XKR4: variants seen among roughly 807,000 people sequenced by gnomAD.
XKR4 encodes XK related 4, also known as XK-related protein 4.
A neutral mutation model predicts 53.9 loss-of-function variants in XKR4; 12 were observed. The ratio of observed to expected loss-of-function variants is 0.22; its 90% CI spans 0.14 to 0.36. XKR4 has a LOEUF of 0.36. XKR4 is among the 10% of genes least tolerant of loss of function. The pLI is 1.00. For missense variants in XKR4, 799 were observed against 859.5 expected (o/e 0.93, Z 0.88); for synonymous variants, 354 against 362.4 (o/e 0.98, Z 0.26).
chr8:55,221,949 T>C (rs1057453546), intron 1 of XKR4, among the ~76,000 whole-genome samples: 1 of 152,172 alleles, frequency 6.6e-6, no homozygotes, highest in Non-Finnish European at 1.5e-5. Context: ...GATTCTCTAC[T>C]CTATATTTGT....
intron 2 of XKR4, chr8:55,449,911 GCGGTCGAGC>G: frequency 1.1e-6 from 1 of 871,586 alleles, no homozygotes; most frequent in Non-Finnish European, 1.9e-6. Flanking sequence ...GGAGCCAGAT[GCGGTCGAGC>G]CTCTATTCTG....
chr8:55,133,803 A>G (rs1014061195), intron 1 of XKR4, among the ~76,000 whole-genome samples: 1 of 152,224 alleles, frequency 6.6e-6, no homozygotes, highest in Non-Finnish European at 1.5e-5. Context: ...GGAGAATTAC[A>G]TTGCACTTAA....
intron 1 of XKR4, among the ~76,000 whole-genome samples, chr8:55,124,372 C>T (rs924431937): frequency 1.3e-5 from 2 of 152,228 alleles, no homozygotes; most frequent in Admixed American, 6.5e-5. Flanking sequence ...GCATTGTTCC[C>T]TGAAGGCGGG....
At chr8:55,430,113 G>A (rs1386287892) in intron 2 of XKR4, among the ~76,000 whole-genome samples, 1 of 152,096 alleles carries the variant, frequency 6.6e-6, no homozygotes, top group African/African-American at 2.4e-5. Context: ...CTATTATAAT[G>A]GTTAAAATAA....
chr8:55,422,234 A>C (rs1262285806), intron 2 of XKR4, among the ~76,000 whole-genome samples: 1 of 152,246 alleles, frequency 6.6e-6, no homozygotes, highest in Non-Finnish European at 1.5e-5. Flanking sequence ...ATTCTATGCT[A>C]AAAGATATAA....
At chr8:55,522,160 C>T (rs1258616332) in intron 2 of XKR4, among the ~76,000 whole-genome samples, 1 of 152,178 alleles carries the variant, frequency 6.6e-6, no homozygotes, top group Non-Finnish European at 1.5e-5. Flanking sequence ...TAGAGATGAA[C>T]TGTGCCATAC....
At position 55,540,131 on chromosome 8, in the gene XKR4, T is replaced by C. The variant is rs1187037357; in HGVS notation, c.*15904T>C. The C allele has an allele frequency of 6.6e-6, 1 of 152,186 alleles. No homozygotes were observed. The highest frequency in any genetic ancestry group is 2.4e-5 in the African/African-American group (1 of 41,462). 9.4% of individuals were successfully genotyped at this position (152,186 alleles called of 1,614,324 possible). ...AACTCTCCAGAGCCCTCCTTGAAAG[T>C]TTTTAGAAAAACTACCATTTTCAGC... On this transcript the variant is annotated 3_prime_UTR_variant, in exon 3 of 3. Coordinates refer to ENST00000327381, the MANE Select transcript of XKR4 (RefSeq NM_052898.2).
At chr8:55,211,277 G>T (rs558346208) in intron 1 of XKR4, among the ~76,000 whole-genome samples, 1 of 152,294 alleles carries the variant, frequency 6.6e-6, no homozygotes, top group Non-Finnish European at 1.5e-5. Context: ...TATTTACTCA[G>T]AAGCTTTAAG....
intron 2 of XKR4, among the ~76,000 whole-genome samples, chr8:55,404,236 G>A (rs1233128796): frequency 2.6e-5 from 4 of 152,176 alleles, no homozygotes; most frequent in African/African-American, 9.7e-5. Context: ...GGATAGATAG[G>A]AAAGAGAGAT....
intron 1 of XKR4, among the ~76,000 whole-genome samples, chr8:55,111,774 A>T (rs1816235713): frequency 1.3e-5 from 2 of 152,140 alleles, no homozygotes; most frequent in Admixed American, 1.3e-4. Flanking sequence ...AATAAGAACA[A>T]CGCTTCACAG....
intron 1 of XKR4, among the ~76,000 whole-genome samples, chr8:55,327,864 T>C (rs531220057): frequency 9.2e-5 from 14 of 152,320 alleles, no homozygotes; most frequent in African/African-American, 3.1e-4. Context: ...ACAAATAAGA[T>C]GCTAGTTGCC....
rs756236708 is a variant in XKR4, at chr8:55,523,450, C to G, written c.1176C>G (p.Leu392=). ...TIAARVITFA[L]FASVFQLYFG... ...CCGCCAGGGTCATCACGTTTGCCCT[C>G]TTTGCCTCGGTTTTCCAGCTGTACT... Residue 392 remains leucine, a synonymous_variant, in exon 3 of 3, where the codon CTC becomes CTG. Transcript: ENST00000327381. 1.2e-6 allele frequency: 2 copies of G among 1,614,224 alleles called. No individual in the cohort carries two copies. The highest frequency in any genetic ancestry group is 2.2e-5 in the South Asian group (2 of 91,084).
At chr8:55,143,526 G>A (rs1379967769) in intron 1 of XKR4, among the ~76,000 whole-genome samples, 2 of 152,148 alleles carry the variant, frequency 1.3e-5, no homozygotes, top group Admixed American at 1.3e-4. Context: ...GCCAACATCT[G>A]TGTAATGCAA....
At chr8:55,424,255 A>G (rs1294053245) in intron 2 of XKR4, among the ~76,000 whole-genome samples, 2 of 152,222 alleles carry the variant, frequency 1.3e-5, no homozygotes, top group Non-Finnish European at 2.9e-5. Context: ...TACATCCTCT[A>G]TGCGTTACAA....
At chr8:55,191,521 A>G (rs1817443805) in intron 1 of XKR4, among the ~76,000 whole-genome samples, 2 of 152,036 alleles carry the variant, frequency 1.3e-5, no homozygotes, top group Non-Finnish European at 2.9e-5. Flanking sequence ...CACTCTTCAC[A>G]AGTGTTCACT....
intron 1 of XKR4, among the ~76,000 whole-genome samples, chr8:55,275,908 G>A (rs1482754936): frequency 6.6e-6 from 1 of 152,188 alleles, no homozygotes; most frequent in East Asian, 1.9e-4. Flanking sequence ...ACCTGGGCCA[G>A]CCTTGCTAAG....
chr8:55,435,196 C>G (rs1805156647), intron 2 of XKR4, among the ~76,000 whole-genome samples: 1 of 152,196 alleles, frequency 6.6e-6, no homozygotes, highest in Non-Finnish European at 1.5e-5. Context: ...CAGGTTAAAA[C>G]ATTCAGTCCG....
At chr8:55,157,216 A>C (rs1242439350) in intron 1 of XKR4, among the ~76,000 whole-genome samples, 1 of 152,204 alleles carries the variant, frequency 6.6e-6, no homozygotes, top group African/African-American at 2.4e-5. Flanking sequence ...ATTTATAGAG[A>C]TATTTATGAA....
At chr8:55,313,878 G>GT (rs1312415863) in intron 1 of XKR4, among the ~76,000 whole-genome samples, 7 of 152,154 alleles carry the variant, frequency 4.6e-5, no homozygotes, top group Non-Finnish European at 1.0e-4. Flanking sequence ...AATTCACCAA[G>GT]TTTTTCTGCA....
Sources: gnomAD v4.1 joint callset for allele counts (sites outside exome capture counted in the v4.1 genomes callset) on GRCh38, gnomAD v4.1.1 for gene constraint, MANE v1.5 for transcripts, NCBI Gene and HGNC (gene_info 2026-07-23, HGNC 2026-07-21) for gene names.